ROR2: variants seen among roughly 807,000 people sequenced by gnomAD.
ROR2 encodes ROR family WNT receptor 2, also known as tyrosine-protein kinase transmembrane receptor ROR2.
Under a neutral mutation model 74.9 loss-of-function variants are expected in ROR2, and 33 were observed. The ratio of observed to expected loss-of-function variants is 0.44; its 90% CI spans 0.33 to 0.59. The LOEUF is 0.59. ROR2 is among the 20% of genes least tolerant of loss of function. The pLI is 0.02. For missense variants in ROR2, 1,216 were observed against 1,313.8 expected (o/e 0.93, Z 1.15); for synonymous variants, 586 against 558.7 (o/e 1.05, Z -0.69).
chr9:91,859,197 C>CT (rs541283275), intron 1 of ROR2, among the ~76,000 whole-genome samples: 1,871 of 121,190 alleles, frequency 0.015, 46 homozygotes, highest in Admixed American at 0.019. Flanking sequence ...GAAAGTATTC[C>CT]TTTTTTTTTT....
intron 5 of ROR2, 65 bp downstream of exon 5, chr9:91,737,326 C>G: frequency 1.2e-6 from 2 of 1,604,526 alleles, no homozygotes; most frequent in South Asian, 1.1e-5. Flanking sequence ...ACAGTGGCCA[C>G]CATCTGTGCG....
At chr9:91,859,726 G>A (rs928163105) in intron 1 of ROR2, among the ~76,000 whole-genome samples, 10 of 152,146 alleles carry the variant, frequency 6.6e-5, no homozygotes, top group Admixed American at 2.6e-4. Context: ...TTGAGAGGCT[G>A]AGGCAGGAGA....
At position 91,733,034 on chromosome 9, in the gene ROR2, CT is replaced by C; in HGVS notation, c.937+87del. 1 of 1,331,892 alleles carries C rather than the reference CT, an allele frequency of 7.5e-7. No individual in the cohort carries two copies. Among genetic ancestry groups the C allele is most frequent in the Non-Finnish European group, 1.0e-6 (1 of 973,232 alleles). The allele number at this position is 1,331,892 out of a possible 1,614,324, so 82.5% of individuals were successfully genotyped here. On this transcript the variant is annotated intron_variant, in intron 6 of 8. Transcript: ENST00000375708. This position sits in a 1 kb window ranked among gnomAD's most constrained non-coding sequence, Gnocchi z 5.7. ...GTGGGGCCTGGACAGATGGGGCTCC[CT>C]GGGCTTCACCGACACCCCCATACAC...
At position 91,945,532 on chromosome 9, in the gene ROR2, C is replaced by T. The variant is rs1409176269; in HGVS notation, c.97+4335G>A. Among the ~76,000 whole-genome samples the T allele has an allele frequency of 4.6e-5, 7 of 152,350 alleles. No homozygotes were observed. In the East Asian group the frequency reaches 1.3e-3, roughly 29 times the overall value. On this transcript the variant is annotated intron_variant, in intron 1 of 8. Transcript: ENST00000375708. Reference sequence around the variant, plus strand: ...TTCCAGCGACAATTAAAGACATACACACCACTTCCCACTAGAACTTAAGGA... The same window carrying T: ...TTCCAGCGACAATTAAAGACATACATACCACTTCCCACTAGAACTTAAGGA...
intron 4 of ROR2, among the ~76,000 whole-genome samples, chr9:91,751,429 G>A (rs528032968): frequency 4.6e-5 from 7 of 152,122 alleles, no homozygotes; most frequent in South Asian, 2.1e-4. Context: ...TCATAAAAAC[G>A]GTTCCTGGCA....
chr9:91,899,332 G>A (rs1349861241), intron 1 of ROR2, among the ~76,000 whole-genome samples: 1 of 152,206 alleles, frequency 6.6e-6, no homozygotes, highest in Admixed American at 6.5e-5. Flanking sequence ...TATTTGGGGA[G>A]CAGCAGACAG....
intron 1 of ROR2, among the ~76,000 whole-genome samples, chr9:91,890,265 C>T (rs1230892389): frequency 6.6e-6 from 1 of 152,174 alleles, no homozygotes; most frequent in East Asian, 1.9e-4. Flanking sequence ...GGCACAGGGG[C>T]CAGGGAGCCA....
chr9:91,937,415 A>C (rs560579329), intron 1 of ROR2, among the ~76,000 whole-genome samples: 2 of 152,236 alleles, frequency 1.3e-5, no homozygotes, highest in African/African-American at 4.8e-5. Context: ...TTTCTCTAAC[A>C]GCTCACAGGA....
At chr9:91,732,674 T>C (rs1837287183) in intron 6 of ROR2, among the ~76,000 whole-genome samples, 1 of 152,206 alleles carries the variant, frequency 6.6e-6, no homozygotes, top group Non-Finnish European at 1.5e-5. Flanking sequence ...CCTCCAGGTT[T>C]CAGGAGGTTG....
At chr9:91,847,314 G>A (rs1828962107) in intron 1 of ROR2, among the ~76,000 whole-genome samples, 1 of 152,120 alleles carries the variant, frequency 6.6e-6, no homozygotes, top group South Asian at 2.1e-4. Context: ...CCTCCCTCCT[G>A]GACCCCTCAT....
At chr9:91,825,747 GA>G (rs1435782809) in intron 1 of ROR2, among the ~76,000 whole-genome samples, 2 of 151,944 alleles carry the variant, frequency 1.3e-5, no homozygotes, top group Admixed American at 6.6e-5. Flanking sequence ...TATTTTGCTG[GA>G]AAAAAAGTGG....
At chr9:91,881,141 A>G (rs1257697180) in intron 1 of ROR2, among the ~76,000 whole-genome samples, 2 of 152,254 alleles carry the variant, frequency 1.3e-5, no homozygotes, top group Non-Finnish European at 2.9e-5. Context: ...TGAACTTCAC[A>G]AATATAACTT....
intron 1 of ROR2, among the ~76,000 whole-genome samples, chr9:91,908,352 C>T (rs946337722): frequency 4.6e-5 from 7 of 152,250 alleles, no homozygotes; most frequent in Non-Finnish European, 8.8e-5. Context: ...CCTGACCATG[C>T]AACTCAGAAG....
chr9:91,947,558 T>A (rs978089671), intron 1 of ROR2, among the ~76,000 whole-genome samples: 1 of 152,222 alleles, frequency 6.6e-6, no homozygotes, highest in African/African-American at 2.4e-5. Context: ...CTATCATTAT[T>A]TATTACCACC....
chr9:91,891,267 T>C (rs889324058), intron 1 of ROR2, among the ~76,000 whole-genome samples: 2 of 151,282 alleles, frequency 1.3e-5, no homozygotes, highest in African/African-American at 4.9e-5. Flanking sequence ...TTTTTTTTTT[T>C]TTCTTCTTTT....
intron 1 of ROR2, among the ~76,000 whole-genome samples, chr9:91,922,401 T>G (rs1373079130): frequency 6.6e-6 from 1 of 152,220 alleles, no homozygotes; most frequent in African/African-American, 2.4e-5. Flanking sequence ...AGAAACAGGT[T>G]AAATATCAAC....
chr9:91,816,074 G>T (rs1445919486), intron 1 of ROR2, among the ~76,000 whole-genome samples: 1 of 152,022 alleles, frequency 6.6e-6, no homozygotes, highest in Non-Finnish European at 1.5e-5. Context: ...ATGCCATCTG[G>T]CTCCCTCTTC....
chr9:91,749,518 C>A (rs1430146282), intron 4 of ROR2, among the ~76,000 whole-genome samples: 1 of 152,212 alleles, frequency 6.6e-6, no homozygotes, highest in African/African-American at 2.4e-5. Context: ...TCTGTCACCA[C>A]ATGAATTTGG....
At chr9:91,900,469 C>A (rs1380627268) in intron 1 of ROR2, among the ~76,000 whole-genome samples, 1 of 152,232 alleles carries the variant, frequency 6.6e-6, no homozygotes, top group Non-Finnish European at 1.5e-5. Context: ...GAGAGGCTGG[C>A]AGGGACACGA....
Sources: allele counts gnomAD v4.1 joint callset (sites outside exome capture counted in the v4.1 genomes callset), GRCh38; gene constraint gnomAD v4.1.1; non-coding constraint Gnocchi (gnomAD v3.1); transcripts MANE v1.5; gene names NCBI Gene and HGNC (gene_info 2026-07-23, HGNC 2026-07-21).